Variants in PACSIN1 observed in about 807,000 individuals in gnomAD.
The protein encoded by PACSIN1 is protein kinase C and casein kinase substrate in neurons protein 1.
Under a neutral mutation model 59.5 loss-of-function variants are expected in PACSIN1, and 15 were observed. The observed-to-expected ratio is 0.25, with a 90% CI of 0.17 to 0.39. PACSIN1 has a LOEUF of 0.39. Ranked by LOEUF, PACSIN1 falls within the 10% of genes least tolerant of loss-of-function variation. The pLI, the probability that PACSIN1 is intolerant of heterozygous loss-of-function variation, is 1.00. For synonymous variants in PACSIN1, 210 were observed against 220.6 expected (o/e 0.95, Z 0.42); for missense variants, 420 against 580.2 (o/e 0.72, Z 2.84).
chr6:34,534,281 G>T lies in PACSIN1; in HGVS notation c.*1751G>T, dbSNP rs1767654636. The T allele has an allele frequency of 1.3e-5, 2 of 152,428 alleles. No homozygotes were observed. The highest frequency in any genetic ancestry group is 4.8e-5 in the African/African-American group (2 of 41,448). The allele number at this position is 152,428 out of a possible 1,614,324, so 9.4% of individuals were successfully genotyped here. A position where few individuals can be genotyped will look rare whatever the true frequency, so the allele number is the denominator to read the frequency against. The stretch of plus-strand genomic sequence containing the variant: ...ACACTCTGGCAGGGCCTGAGCTGGG[G>T]CAGGCCTCCCTCAGGGCCAGGGGCG... On this transcript the variant is annotated 3_prime_UTR_variant, in exon 10 of 10. Transcript: ENST00000244458.
intron 1 of PACSIN1, among the ~76,000 whole-genome samples, chr6:34,491,877 G>T (rs757612396): frequency 2.0e-5 from 3 of 152,064 alleles, no homozygotes; most frequent in African/African-American, 7.2e-5. Context: ...CTCCCAAAGT[G>T]CTGGGATTAC....
At chr6:34,507,626 C>A (rs1421228589) in intron 1 of PACSIN1, among the ~76,000 whole-genome samples, 1 of 151,960 alleles carries the variant, frequency 6.6e-6, no homozygotes, top group Non-Finnish European at 1.5e-5. Context: ...AACTACAGGC[C>A]CAATGTTGTG....
At chr6:34,501,769 C>T (rs1456921957) in intron 1 of PACSIN1, among the ~76,000 whole-genome samples, 5 of 152,102 alleles carry the variant, frequency 3.3e-5, no homozygotes, top group African/African-American at 1.2e-4. Context: ...CGGTGGCTCA[C>T]GCCTGTAATC....
intron 1 of PACSIN1, among the ~76,000 whole-genome samples, chr6:34,468,319 G>T (rs1766526206): frequency 6.6e-6 from 1 of 152,194 alleles, no homozygotes; most frequent in South Asian, 2.1e-4. Flanking sequence ...GAACTGTCTG[G>T]TTTGGGTGGC....
At position 34,531,723 on chromosome 6, in the gene PACSIN1, AGT is replaced by A; in HGVS notation, c.1163_1164del (p.Val388AlafsTer9). ...ACCCCTTTGAGGACGACTCCAAGGG[AGT>A]GCGCGTGCGGGCACTCTACGACTAT... Reference protein sequence around the residue: ...ANPFEDDSKGVRVRALYDYDG... With the variant: ...ANPFEDDSKGXRVRALYDYDG... On this transcript the variant is annotated frameshift_variant, in exon 9 of 10. Transcript: ENST00000244458. LOFTEE classifies it high-confidence loss of function. The surrounding 1 kb of genome is among the most constrained non-coding windows in gnomAD (Gnocchi z 4.4). 2 of 1,607,644 alleles carry A rather than the reference AGT, an allele frequency of 1.2e-6. No homozygotes were observed. The highest frequency in any genetic ancestry group is 1.7e-6 in the Non-Finnish European group (2 of 1,176,630).
chr6:34,514,703 G>A lies in PACSIN1; in HGVS notation c.-63-11540G>A, dbSNP rs1332865050. On this transcript the variant is annotated intron_variant, in intron 1 of 9. Coordinates refer to ENST00000244458, the MANE Select transcript of PACSIN1 (RefSeq NM_020804.5). The surrounding 1 kb of genome is among the most constrained non-coding windows in gnomAD (Gnocchi z 4.4). Reference sequence around the variant, plus strand: ...GCATGCGTGCCCATGTTGATGCGGCGCCGTGCGGGAGGCGGGCATCCCCTG... The same window carrying A: ...GCATGCGTGCCCATGTTGATGCGGCACCGTGCGGGAGGCGGGCATCCCCTG... Among the ~76,000 whole-genome samples, 2 of 152,206 alleles carry A rather than the reference G, an allele frequency of 1.3e-5. No individual in the cohort carries two copies. The highest frequency in any genetic ancestry group is 2.4e-5 in the African/African-American group (1 of 41,462).
At chr6:34,490,226 CT>C (rs56754772) in intron 1 of PACSIN1, among the ~76,000 whole-genome samples, 4,437 of 102,612 alleles carry the variant, frequency 0.043, 59 homozygotes, top group Middle Eastern at 0.077. Flanking sequence ...AATTTAAAAA[CT>C]TTTTTTTTTT....
intron 1 of PACSIN1, among the ~76,000 whole-genome samples, chr6:34,479,587 C>G (rs1016609556): frequency 2.0e-5 from 3 of 152,088 alleles, no homozygotes; most frequent in Admixed American, 6.5e-5. Flanking sequence ...AGGAGTGCAC[C>G]ACCATGCCCA....
At position 34,528,840 on chromosome 6, in the gene PACSIN1, G is replaced by T. The variant is rs1300390824; in HGVS notation, c.419G>T (p.Arg140Leu). 3.3e-6 allele frequency: 5 copies of T among 1,534,306 alleles called. No individual in the cohort carries two copies. The highest frequency in any genetic ancestry group is 4.4e-6 in the Non-Finnish European group (5 of 1,132,260). Residue 140 changes from arginine to leucine, a missense_variant, in exon 4 of 10, where the codon CGC (arginine) becomes CTC (leucine). Transcript: ENST00000244458. ...ACGAAGGAGGCTGAAGATGGCTTCC[G>T]CAAGGCCCAGAAGCCTTGGGCCAAG... ...KETKEAEDGF[R>L]KAQKPWAKKM... is the part of the protein sequence containing the mutation.
intron 2 of PACSIN1, 124 bp from the exon 3 acceptor site, chr6:34,527,208 G>GGACGGC: frequency 2.0e-6 from 2 of 979,690 alleles, no homozygotes; most frequent in Non-Finnish European, 2.7e-6. Flanking sequence ...GCGGGGGCGG[G>GGACGGC]GACGGCGAGG....
Position 34,533,679 on chromosome 6 carries a change from T to C in PACSIN1, c.*1149T>C, listed in dbSNP as rs1767643473. Reference sequence around the variant, plus strand: ...GAGACATCAGGGGAGAGCCTGCAGCTGAGTTCAGCAGAAAGGAGGAATCCT... The same window carrying C: ...GAGACATCAGGGGAGAGCCTGCAGCCGAGTTCAGCAGAAAGGAGGAATCCT... On this transcript the variant is annotated 3_prime_UTR_variant, in exon 10 of 10. Transcript: ENST00000244458. 6.6e-6 allele frequency: 1 copy of C among 152,268 alleles called. No homozygotes were observed. The highest frequency in any genetic ancestry group is 2.1e-4 in the South Asian group (1 of 4,826). 9.4% of individuals were successfully genotyped at this position (152,268 alleles called of 1,614,324 possible).
intron 1 of PACSIN1, among the ~76,000 whole-genome samples, chr6:34,492,051 G>C (rs188428458): frequency 2.0e-5 from 3 of 152,100 alleles, no homozygotes; most frequent in Non-Finnish European, 4.4e-5. Context: ...ATGGGATTGC[G>C]GGTCAAATGG....
chr6:34,507,801 G>T (rs1767136957), intron 1 of PACSIN1, among the ~76,000 whole-genome samples: 1 of 152,134 alleles, frequency 6.6e-6, no homozygotes, highest in African/African-American at 2.4e-5. Flanking sequence ...GAATAATGCA[G>T]TATTTGTCCT....
Position 34,484,634 on chromosome 6 carries a change from C to A in PACSIN1, c.-64+18364C>A, listed in dbSNP as rs77342348. ...TGATAATGATGTGTCAGTGTAGGTTCATCAGTGCTAACAAATGTACCACAG... is the reference window on the plus strand; with the variant it reads ...TGATAATGATGTGTCAGTGTAGGTTAATCAGTGCTAACAAATGTACCACAG... On this transcript the variant is annotated intron_variant, in intron 1 of 9. Coordinates refer to ENST00000244458, the MANE Select transcript of PACSIN1 (RefSeq NM_020804.5). 5.4e-3 allele frequency among the ~76,000 whole-genome samples: 814 copies of A among 152,048 alleles called. 7 individuals carry two copies. Among genetic ancestry groups the A allele is most frequent in the African/African-American group, 0.019 (787 of 41,454 alleles).
Position 34,531,640 on chromosome 6 carries a change from T to TGGTCAGAC in PACSIN1, c.1080_1087dup (p.Asp363GlyfsTer127). On this transcript the variant is annotated frameshift_variant, in exon 9 of 10. Coordinates refer to ENST00000244458, the MANE Select transcript of PACSIN1 (RefSeq NM_020804.5). LOFTEE classifies it high-confidence loss of function. The surrounding 1 kb of genome is among the most constrained non-coding windows in gnomAD (Gnocchi z 4.4). ...CAGAGGCCAGCCCTACGCCACCGAGTGGTCAGACGACGAGAGTGGGAACCC... is the reference window on the plus strand; with the variant it reads ...CAGAGGCCAGCCCTACGCCACCGAGTGGTCAGACGGTCAGACGACGAGAGTGGGAACCC... The TGGTCAGAC allele has an allele frequency of 6.2e-7, 1 of 1,612,522 alleles. No homozygotes were observed. Among genetic ancestry groups the TGGTCAGAC allele is most frequent in the Non-Finnish European group, 8.5e-7 (1 of 1,179,518 alleles).
chr6:34,516,034 G>A lies in PACSIN1; in HGVS notation c.-63-10209G>A, dbSNP rs986508775. Among the ~76,000 whole-genome samples the A allele has an allele frequency of 2.6e-5, 4 of 152,154 alleles. No individual in the cohort carries two copies. Among genetic ancestry groups the A allele is most frequent in the Non-Finnish European group, 2.9e-5 (2 of 68,016 alleles). On this transcript the variant is annotated intron_variant, in intron 1 of 9. Transcript: ENST00000244458. This position sits in a 1 kb window ranked among gnomAD's most constrained non-coding sequence, Gnocchi z 5.4. ...CCCTGAATGGAGCTGAGCCACCTTG[G>A]GTGGCATAGGGAGGAGATGCTAGCC...
chr6:34,481,311 A>G (rs779214548), intron 1 of PACSIN1, among the ~76,000 whole-genome samples: 46 of 152,230 alleles, frequency 3.0e-4, no homozygotes, highest in Middle Eastern at 3.4e-3. Context: ...TGGCTTCCCA[A>G]AGTGCTGGGA....
intron 1 of PACSIN1, among the ~76,000 whole-genome samples, chr6:34,503,954 G>A (rs1016436540): frequency 6.6e-6 from 1 of 152,010 alleles, no homozygotes; most frequent in Admixed American, 6.6e-5. Context: ...ATTTAGATTT[G>A]CCTGTCCTGG....
Position 34,515,943 on chromosome 6 carries a change from T to C in PACSIN1, c.-63-10300T>C, listed in dbSNP as rs1368626421. Among the ~76,000 whole-genome samples the C allele has an allele frequency of 2.7e-5, 4 of 149,266 alleles. No homozygotes were observed. The highest frequency in any genetic ancestry group is 6.0e-5 in the Non-Finnish European group (4 of 67,038). On this transcript the variant is annotated intron_variant, in intron 1 of 9. Transcript: ENST00000244458. The surrounding 1 kb of genome is among the most constrained non-coding windows in gnomAD (Gnocchi z 4.4). ...GGAGCTGGGCCCTCTGCCCCAACTC[T>C]GGGCAGGGAGGGGGCTGGAGGGGGC...
Sources: gnomAD v4.1 joint callset for allele counts (sites outside exome capture counted in the v4.1 genomes callset) on GRCh38, gnomAD v4.1.1 for gene constraint, Gnocchi (gnomAD v3.1) non-coding constraint, MANE v1.5 for transcripts, NCBI Gene and HGNC (gene_info 2026-07-23, HGNC 2026-07-21) for gene names.